Variants in ZFP36L2 observed in about 807,000 individuals in gnomAD.
ZFP36L2 encodes mRNA decay activator protein ZFP36L2.
In ZFP36L2, 16 loss-of-function variants were observed where a neutral mutation model predicts 27.9. That is an observed-to-expected ratio of 0.57 (90% CI 0.39 to 0.87). The LOEUF (loss-of-function observed/expected upper bound fraction) is 0.87. Ranked by LOEUF, ZFP36L2 falls within the 40% of genes least tolerant of loss-of-function variation. ZFP36L2 has a pLI of 0.00. For missense variants in ZFP36L2, 989 were observed against 726.9 expected (o/e 1.36, Z -4.15); for synonymous variants, 600 against 363.8 (o/e 1.65, Z -7.39).
rs1265234505 is a variant in ZFP36L2 at position 43,224,517 on chromosome 2, G to C, written c.1287C>G (p.Phe429Leu). Residue 429 changes from phenylalanine to leucine, a missense_variant, in exon 2 of 2, where the codon TTC becomes TTG. By Grantham distance (22) the Phe-to-Leu change is conservative (BLOSUM62 0). Transcript: ENST00000282388. ...AGAAAPPSPP[F>L]SFQLPRRLSD... ...ACAGGCGGCGCGGCAGCTGGAAGCT[G>C]AAGGGCGGCGAGGGAGGTGCGGCGG... The C allele has an allele frequency of 1.3e-6, 2 of 1,482,056 alleles. No individual in the cohort carries two copies. Among genetic ancestry groups the C allele is most frequent in the Non-Finnish European group, 1.8e-6 (2 of 1,121,760 alleles). 91.8% of individuals were successfully genotyped at this position (1,482,056 alleles called of 1,614,324 possible). A position where few individuals can be genotyped will look rare whatever the true frequency, so the allele number is the denominator to read the frequency against.
Position 43,224,788 on chromosome 2 carries a change from C to T in ZFP36L2, c.1016G>A (p.Gly339Asp), listed in dbSNP as rs756864135. Reference protein sequence around the residue: ...AAAALLYGTGGAEDLLAPGAP... With the variant: ...AAAALLYGTGDAEDLLAPGAP... ...CCCCGGCGCCAGCAGGTCCTCGGCG[C>T]CCCCGGTGCCGTACAGCAGAGCGGC... The change falls in exon 2 of 2, where the codon GGC (glycine) becomes GAC (aspartate). Residue 339 changes from glycine (G) to aspartate (D), a missense_variant. Gly to Asp is a moderately conservative substitution (Grantham distance 94, BLOSUM62 -1). Transcript: ENST00000282388. 11 of 1,459,518 alleles carry T rather than the reference C, an allele frequency of 7.5e-6. No homozygotes were observed. The East Asian group carries it at 8.8e-5, about 12-fold the overall frequency. 90.4% of individuals were successfully genotyped at this position (1,459,518 alleles called of 1,614,324 possible).
rs745909871 is a variant in ZFP36L2, at chr2:43,225,321, G to C, written c.483C>G (p.Pro161=). 7.4e-6 allele frequency: 12 copies of C among 1,613,116 alleles called. No individual in the cohort carries two copies. Among genetic ancestry groups the C allele is most frequent in the Non-Finnish European group, 9.3e-6 (11 of 1,179,990 alleles). The change falls in exon 2 of 2, where the codon CCC becomes CCG. Residue 161 remains proline, a synonymous_variant. Coordinates refer to ENST00000282388, the MANE Select transcript of ZFP36L2 (RefSeq NM_006887.5). Reference sequence around the variant, plus strand: ...ACTTGCACGTGCCGCTCTCCTCGAAGGGCCGGCACAGCTCGGTCTTGTAGC... The same window carrying C: ...ACTTGCACGTGCCGCTCTCCTCGAACGGCCGGCACAGCTCGGTCTTGTAGC... ...STRYKTELCR[P]FEESGTCKYG...
At chr2:43,225,997 C>G (rs1334367385) in intron 1 of ZFP36L2, among the ~76,000 whole-genome samples, 2 of 151,944 alleles carry the variant, frequency 1.3e-5, no homozygotes, top group African/African-American at 4.8e-5. Context: ...GATCCTCCGC[C>G]CCGGCTGCCG....
At position 43,226,390 on chromosome 2, in the gene ZFP36L2, T is replaced by C. The variant is rs1004447416; in HGVS notation, c.-75A>G. 1.2e-4 allele frequency: 179 copies of C among 1,536,504 alleles called. No homozygotes were observed. Among genetic ancestry groups the C allele is most frequent in the Non-Finnish European group, 1.5e-4 (175 of 1,134,498 alleles). ...AGCCCTTGGGGCGGCGTGGCCGGGC[T>C]TGAGCCACGACGAATAACGGGCGAG... On this transcript the variant is annotated 5_prime_UTR_variant, in exon 1 of 2. Coordinates refer to ENST00000282388, the MANE Select transcript of ZFP36L2 (RefSeq NM_006887.5).
rs1050204047 is a variant in ZFP36L2, at chr2:43,222,859, T to C, written c.*1460A>G. 3.3e-5 allele frequency: 5 copies of C among 152,318 alleles called. No individual in the cohort carries two copies. Among genetic ancestry groups the C allele is most frequent in the Non-Finnish European group, 5.9e-5 (4 of 68,028 alleles). The allele number at this position is 152,318 out of a possible 1,614,324, so 9.4% of individuals were successfully genotyped here. ...CTCTCAAGCACTAATAAAATACTTA[T>C]TTGGTTGAGGAAGATTTAAGGCAAG... On this transcript the variant is annotated 3_prime_UTR_variant, in exon 2 of 2. Transcript: ENST00000282388.
chr2:43,223,991 G>GT lies in ZFP36L2; in HGVS notation c.*327dup, dbSNP rs59794453. 0.024 allele frequency: 3,898 copies of GT among 162,222 alleles called. 45 individuals carry two copies. The highest frequency in any genetic ancestry group is 0.055 in the African/African-American group (1,977 of 36,038). 10.0% of individuals were successfully genotyped at this position (162,222 alleles called of 1,614,324 possible). On this transcript the variant is annotated 3_prime_UTR_variant, in exon 2 of 2. Transcript: ENST00000282388. ...ATCGGAGTCCTAACAAAGTTTAAGT[G>GT]TTTTTTTTTTTTTTTTGTTCTATTC... is the stretch of plus-strand genomic sequence containing the variant.
rs779383667 is a variant in ZFP36L2 at position 43,224,584 on chromosome 2, G to A, written c.1220C>T (p.Ala407Val). 6.0e-6 allele frequency: 8 copies of A among 1,340,020 alleles called. No homozygotes were observed. Among genetic ancestry groups the A allele is most frequent in the Middle Eastern group, 2.5e-4 (1 of 3,936 alleles). 83.0% of individuals were successfully genotyped at this position (1,340,020 alleles called of 1,614,324 possible). ...CGCGCTGGGCGGCGCCGGCGGCTGC[G>A]CGGGGGGCGCCAGGCCCTGCTGCTG... The part of the protein sequence containing the change: ...QQQQQGLAPP[A>V]QPPAPPSATL... The change falls in exon 2 of 2, where the codon GCG (alanine) becomes GTG (valine). Residue 407 changes from alanine to valine, a missense_variant. Physicochemically the swap from Ala to Val is moderately conservative, Grantham distance 64. Transcript: ENST00000282388.
intron 1 of ZFP36L2, 96 bp from the exon 2 acceptor site, chr2:43,225,848 CT>C (rs929207501): frequency 2.3e-4 from 305 of 1,320,288 alleles, no homozygotes; most frequent in African/African-American, 1.9e-3. Flanking sequence ...GATTCTTTTC[CT>C]TTTTTTCCCC....
At position 43,224,897 on chromosome 2, in the gene ZFP36L2, C is replaced by CGGA; in HGVS notation, c.904_906dup (p.Ser302dup). The stretch of plus-strand genomic sequence containing the variant: ...GCGGAGGCCGAGGAACAGGAGGAGG[C>CGGA]GGAGGAGGAGCAGGACGAGGCCGAA... On this transcript the variant is annotated inframe_insertion, in exon 2 of 2. Coordinates refer to ENST00000282388, the MANE Select transcript of ZFP36L2 (RefSeq NM_006887.5). 2 of 1,538,260 alleles carry CGGA rather than the reference C, an allele frequency of 1.3e-6. No individual in the cohort carries two copies. The highest frequency in any genetic ancestry group is 1.7e-6 in the Non-Finnish European group (2 of 1,157,994).
At position 43,224,924 on chromosome 2, in the gene ZFP36L2, A is replaced by C. The variant is rs757499900; in HGVS notation, c.880T>G (p.Ser294Ala). ...TSRTPPPPSC[S>A]SASSCSSSAS... ...GAGGAGGAGCAGGACGAGGCCGAAG[A>C]GCAGGAGGGCGGCGGCGGCGTGCGC... Residue 294 changes from serine to alanine, a missense_variant, in exon 2 of 2, where the codon TCT becomes GCT. By Grantham distance (99) the Ser-to-Ala change is moderately conservative (BLOSUM62 1). Coordinates refer to ENST00000282388, the MANE Select transcript of ZFP36L2 (RefSeq NM_006887.5). 1 of 1,551,112 alleles carries C rather than the reference A, an allele frequency of 6.4e-7. No homozygotes were observed. The highest frequency in any genetic ancestry group is 2.4e-5 in the East Asian group (1 of 41,252).
In ZFP36L2 at chr2:43,224,638, G is replaced by A; in HGVS notation, c.1166C>T (p.Ala389Val). The A allele has an allele frequency of 6.7e-7, 1 of 1,499,982 alleles. No homozygotes were observed. The highest frequency in any genetic ancestry group is 1.3e-5 in the South Asian group (1 of 79,572). The allele number at this position is 1,499,982 out of a possible 1,614,324, so 92.9% of individuals were successfully genotyped here. ...CTGCTGCTGACTGCGGTAGTAGGCG[G>A]CGGCGGCCACGGCGGCAAAGTTGTG... The part of the protein sequence containing the change: ...QTHNFAAVAA[A>V]AYYRSQQQQQ... Residue 389 changes from alanine (A) to valine (V), a missense_variant, in exon 2 of 2, where the codon GCC (alanine) becomes GTC (valine). Ala to Val is a moderately conservative substitution (Grantham distance 64). Coordinates refer to ENST00000282388, the MANE Select transcript of ZFP36L2 (RefSeq NM_006887.5).
Position 43,224,131 on chromosome 2 carries a change from G to T in ZFP36L2, c.*188C>A. ...AAAAAAAAAAAGACAAGAGGAAACC[G>T]AAAAAGGAGGGGTGGGGGCCCCTCC... On this transcript the variant is annotated 3_prime_UTR_variant, in exon 2 of 2. Coordinates refer to ENST00000282388, the MANE Select transcript of ZFP36L2 (RefSeq NM_006887.5). 2.3e-6 allele frequency: 1 copy of T among 441,374 alleles called. No homozygotes were observed. The highest frequency in any genetic ancestry group is 3.8e-6 in the Non-Finnish European group (1 of 264,646). 27.3% of individuals were successfully genotyped at this position (441,374 alleles called of 1,614,324 possible).
rs745359243 is a variant in ZFP36L2 at position 43,224,765 on chromosome 2, CCGGCGCCAGCAGGTCCT to C, written c.1022_1038del (p.Glu341GlyfsTer127). ...GACGAGCAGGCCGCGCACGGGGCCC[CCGGCGCCAGCAGGTCCT>C]CGGCGCCCCCGGTGCCGTACAGCAG... On this transcript the variant is annotated frameshift_variant, in exon 2 of 2. Transcript: ENST00000282388. LOFTEE classifies it high-confidence loss of function. 2 of 1,487,058 alleles carry C rather than the reference CCGGCGCCAGCAGGTCCT, an allele frequency of 1.3e-6. No individual in the cohort carries two copies. The highest frequency in any genetic ancestry group is 1.8e-6 in the Non-Finnish European group (2 of 1,125,672). 92.1% of individuals were successfully genotyped at this position (1,487,058 alleles called of 1,614,324 possible). A position where few individuals can be genotyped will look rare whatever the true frequency, so the allele number is the denominator to read the frequency against.
At position 43,224,562 on chromosome 2, in the gene ZFP36L2, G is replaced by T; in HGVS notation, c.1242C>A (p.Ser414Arg). ...APPAQPPAPP[S>R]ATLPAGAAAP... ...CGGCGGCCCCGGCGGGGAGGGTCGC[G>T]CTGGGCGGCGCCGGCGGCTGCGCGG... Residue 414 changes from serine to arginine, a missense_variant, in exon 2 of 2, where the codon AGC becomes AGA. Ser to Arg is a moderately radical substitution (Grantham distance 110, BLOSUM62 -1). Transcript: ENST00000282388. 1 of 1,339,886 alleles carries T rather than the reference G, an allele frequency of 7.5e-7. No individual in the cohort carries two copies. The highest frequency in any genetic ancestry group is 9.5e-7 in the Non-Finnish European group (1 of 1,053,812). 83.0% of individuals were successfully genotyped at this position (1,339,886 alleles called of 1,614,324 possible).
rs558002690 is a variant in ZFP36L2, at chr2:43,226,123, C to T, written c.51+142G>A. ...CTTGCCGCCCTCCCCGCCTCCAGGG[C>T]GCTCGGACACTCTTTTGCAAACCCC... On this transcript the variant is annotated intron_variant, in intron 1 of 1. Transcript: ENST00000282388. The T allele has an allele frequency of 9.7e-5, 117 of 1,203,110 alleles. No individual in the cohort carries two copies. The African/African-American group carries it at 1.7e-3, about 17-fold the overall frequency. 74.5% of individuals were successfully genotyped at this position (1,203,110 alleles called of 1,614,324 possible). A position where few individuals can be genotyped will look rare whatever the true frequency, so the allele number is the denominator to read the frequency against.
rs552845864 is a variant in ZFP36L2 at position 43,224,119 on chromosome 2, C to A, written c.*200G>T. Reference sequence around the variant, plus strand: ...CGTAATAAAAATAAAAAAAAAAAGACAAGAGGAAACCGAAAAAGGAGGGGT... The same window carrying A: ...CGTAATAAAAATAAAAAAAAAAAGAAAAGAGGAAACCGAAAAAGGAGGGGT... On this transcript the variant is annotated 3_prime_UTR_variant, in exon 2 of 2. Transcript: ENST00000282388. The A allele has an allele frequency of 2.6e-4, 108 of 413,700 alleles. No homozygotes were observed. Among genetic ancestry groups the A allele is most frequent in the African/African-American group, 2.1e-3 (98 of 47,430 alleles). 25.6% of individuals were successfully genotyped at this position (413,700 alleles called of 1,614,324 possible).
chr2:43,225,858 C>T, intron 1 of ZFP36L2, 106 bp from the exon 2 acceptor site: 3 of 1,256,680 alleles, frequency 2.4e-6, no homozygotes, highest in East Asian at 2.6e-5. Flanking sequence ...CTTTTTTTCC[C>T]CCACTCTTGG....
At position 43,226,567 on chromosome 2, in the gene ZFP36L2, C is replaced by T. The variant is rs1298967430; in HGVS notation, c.-252G>A. The T allele has an allele frequency of 4.0e-6, 2 of 500,986 alleles. No individual in the cohort carries two copies. Among genetic ancestry groups the T allele is most frequent in the Non-Finnish European group, 7.0e-6 (2 of 287,196 alleles). 31.0% of individuals were successfully genotyped at this position (500,986 alleles called of 1,614,324 possible). Reference sequence around the variant, plus strand: ...CGCCCCGGGGTGCCCGGCCCGCCCCCCCCGCGGAGCCGACGGCAGCTCGCG... The same window carrying T: ...CGCCCCGGGGTGCCCGGCCCGCCCCTCCCGCGGAGCCGACGGCAGCTCGCG... On this transcript the variant is annotated 5_prime_UTR_variant, in exon 1 of 2. Coordinates refer to ENST00000282388, the MANE Select transcript of ZFP36L2 (RefSeq NM_006887.5).
chr2:43,224,973 C>A lies in ZFP36L2; in HGVS notation c.831G>T (p.Pro277=). 1 of 1,579,442 alleles carries A rather than the reference C, an allele frequency of 6.3e-7. No individual in the cohort carries two copies. Among genetic ancestry groups the A allele is most frequent in the Non-Finnish European group, 8.5e-7 (1 of 1,174,042 alleles). Residue 277 remains proline, a synonymous_variant, in exon 2 of 2, where the codon CCG becomes CCT. Transcript: ENST00000282388. ...HHQPPGGLES[P]LLLDSPTSRT... is the part of the protein sequence containing the mutation. Reference sequence around the variant, plus strand: ...GCGACGTGGGGCTGTCGAGCAGCAGCGGCGACTCGAGGCCGCCCGGGGGCT... The same window carrying A: ...GCGACGTGGGGCTGTCGAGCAGCAGAGGCGACTCGAGGCCGCCCGGGGGCT...
Sources: gnomAD v4.1 joint callset for allele counts (sites outside exome capture counted in the v4.1 genomes callset) on GRCh38, gnomAD v4.1.1 for gene constraint, MANE v1.5 for transcripts, NCBI Gene and HGNC (gene_info 2026-07-23, HGNC 2026-07-21) for gene names.